Variants in RELCH observed in about 807,000 individuals in gnomAD.
RELCH encodes RAB11 binding and LisH domain, coiled-coil and HEAT repeat containing.
A neutral mutation model predicts 150.3 loss-of-function variants in RELCH; 41 were observed. The observed-to-expected ratio is 0.27, with a 90% CI of 0.21 to 0.35. The LOEUF is 0.35. Ranked by LOEUF, RELCH falls within the 10% of genes least tolerant of loss-of-function variation. The probability of loss-of-function intolerance (pLI) is 1.00; values close to 1 mark genes in which losing one functional copy is unlikely to be tolerated. For missense variants in RELCH, 1,092 were observed against 1,467.8 expected, an observed-to-expected ratio of 0.74 and a Z score of 4.18; for synonymous variants, 478 against 531.8, an observed-to-expected ratio of 0.90 and a Z score of 1.39.
At position 62,221,114 on chromosome 18, in the gene RELCH, G is replaced by A; in HGVS notation, c.688+6G>A. 6.2e-7 allele frequency: 1 copy of A among 1,612,932 alleles called. No individual in the cohort carries two copies. Among genetic ancestry groups the A allele is most frequent in the East Asian group, 2.2e-5 (1 of 44,854 alleles). ...CAACCTGACAAAGGCCGCAGGTGGT[G>A]TACATAAAACTTTTTTGAGACTTTT... On this transcript the variant is annotated splice_donor_region_variant and intron_variant, in intron 3 of 28. Coordinates refer to ENST00000644646, the MANE Select transcript of RELCH (RefSeq NM_001346231.2).
chr18:62,236,509 T>G (rs939297245), intron 10 of RELCH, among the ~76,000 whole-genome samples: 1 of 151,960 alleles, frequency 6.6e-6, no homozygotes, highest in African/African-American at 2.4e-5. Context: ...TGTTTCCTTG[T>G]TATAAGTCTG....
intron 20 of RELCH, among the ~76,000 whole-genome samples, chr18:62,273,294 G>A (rs995166899): frequency 2.0e-5 from 3 of 151,542 alleles, no homozygotes; most frequent in East Asian, 3.9e-4. Flanking sequence ...ATAATAGTTC[G>A]TTGAAAAAAG....
intron 1 of RELCH, among the ~76,000 whole-genome samples, chr18:62,201,863 A>C (rs2039473131): frequency 6.6e-6 from 1 of 152,190 alleles, no homozygotes; most frequent in Non-Finnish European, 1.5e-5. Flanking sequence ...TTTCTGATGC[A>C]TTTGGTTCTT....
At chr18:62,226,572 T>G (rs1302131847) in intron 5 of RELCH, among the ~76,000 whole-genome samples, 1 of 152,138 alleles carries the variant, frequency 6.6e-6, no homozygotes, top group African/African-American at 2.4e-5. Flanking sequence ...AACCTATAAA[T>G]AATAGGTACA....
chr18:62,268,218 T>C (rs1161450883), intron 19 of RELCH, among the ~76,000 whole-genome samples: 2 of 152,078 alleles, frequency 1.3e-5, no homozygotes, highest in Non-Finnish European at 2.9e-5. Flanking sequence ...CTGTGAATGA[T>C]AATTGTCCTC....
At position 62,227,659 on chromosome 18, in the gene RELCH, C is replaced by A; in HGVS notation, c.1124C>A (p.Ser375Ter). The change falls in exon 7 of 29, where the codon TCA (serine) becomes TAA (stop). Residue 375 changes from serine (S) to a stop codon, truncating the protein, a stop_gained. Transcript: ENST00000644646. LOFTEE classifies it high-confidence loss of function. The part of the protein sequence containing the change: ...KISLLNSEKW[S>*]LMEQIRRLKS... ...AGTTTGTTAAATAGTGAGAAATGGTCATTGATGGAGCAAATCAGAAGACTT... is the reference window on the plus strand; with the variant it reads ...AGTTTGTTAAATAGTGAGAAATGGTAATTGATGGAGCAAATCAGAAGACTT... The A allele has an allele frequency of 6.4e-7, 1 of 1,556,896 alleles. No individual in the cohort carries two copies. The highest frequency in any genetic ancestry group is 1.1e-5 in the South Asian group (1 of 88,728).
chr18:62,285,951 T>C (rs2044768344), intron 25 of RELCH: 1 of 152,174 alleles, frequency 6.6e-6, no homozygotes, highest in Non-Finnish European at 1.5e-5. Flanking sequence ...ATAGTAAAGT[T>C]CTGTCTGTCT....
At chr18:62,215,334 TAGA>T (rs2040418414) in intron 2 of RELCH, among the ~76,000 whole-genome samples, 1 of 152,064 alleles carries the variant, frequency 6.6e-6, no homozygotes, top group Admixed American at 6.6e-5. Flanking sequence ...CAATGCTGGG[TAGA>T]AGGAGCTTGT....
chr18:62,198,968 A>G (rs978545525), intron 1 of RELCH, among the ~76,000 whole-genome samples: 1 of 151,670 alleles, frequency 6.6e-6, no homozygotes, highest in African/African-American at 2.4e-5. Flanking sequence ...CCTTTCAACC[A>G]TGTTGTCCAT....
At chr18:62,260,055 A>G (rs2043176983) in intron 15 of RELCH, among the ~76,000 whole-genome samples, 1 of 151,956 alleles carries the variant, frequency 6.6e-6, no homozygotes, top group Non-Finnish European at 1.5e-5. Context: ...GGATTATATT[A>G]AAGTAAAAAG....
intron 1 of RELCH, among the ~76,000 whole-genome samples, chr18:62,206,748 A>C (rs1033181572): frequency 7.9e-5 from 12 of 152,174 alleles, no homozygotes; most frequent in Admixed American, 7.9e-4. Context: ...CTGCTACTTT[A>C]CAACCTACCT....
chr18:62,215,762 G>A (rs4941121), intron 2 of RELCH, among the ~76,000 whole-genome samples: 42,640 of 151,978 alleles, frequency 0.28, 7,164 homozygotes, highest in East Asian at 0.59. Flanking sequence ...GTATCACATA[G>A]AGGTTTTATT....
chr18:62,286,802 T>C (rs1051046887), intron 25 of RELCH, among the ~76,000 whole-genome samples: 1 of 152,142 alleles, frequency 6.6e-6, no homozygotes, highest in Non-Finnish European at 1.5e-5. Context: ...ATGTTACTCT[T>C]TGAGGGTATT....
chr18:62,224,205 G>T (rs1190275218), intron 5 of RELCH, among the ~76,000 whole-genome samples: 2 of 152,092 alleles, frequency 1.3e-5, no homozygotes. Context: ...ACCTGTGAAT[G>T]AGAACATGCA....
At chr18:62,292,141 C>G (rs929158411) in intron 27 of RELCH, among the ~76,000 whole-genome samples, 14 of 152,084 alleles carry the variant, frequency 9.2e-5, no homozygotes, top group Non-Finnish European at 1.8e-4. Context: ...CCTTTCATCC[C>G]TCTCCAAGTC....
rs921686305 is a variant in RELCH, at chr18:62,187,746, G to A, written c.241G>A (p.Ala81Thr). The A allele has an allele frequency of 3.7e-6, 6 of 1,611,794 alleles. No homozygotes were observed. Among genetic ancestry groups the A allele is most frequent in the Non-Finnish European group, 5.1e-6 (6 of 1,178,896 alleles). Reference protein sequence around the residue: ...LPGEASAAAVALGGTGETPAR... With the variant: ...LPGEASAAAVTLGGTGETPAR... ...TGGGGAGGCGTCGGCGGCTGCAGTG[G>A]CCCTGGGGGGCACCGGGGAGACCCC... Residue 81 changes from alanine to threonine, a missense_variant, in exon 1 of 29, where the codon GCC becomes ACC. By Grantham distance (58) the Ala-to-Thr change is moderately conservative. Coordinates refer to ENST00000644646, the MANE Select transcript of RELCH (RefSeq NM_001346231.2).
At chr18:62,275,350 A>G (rs773503238) in intron 21 of RELCH, 24 bp from the exon 22 acceptor site, 3 of 1,282,634 alleles carry the variant, frequency 2.3e-6, no homozygotes, top group Non-Finnish European at 2.2e-6. Context: ...CAATTTTAAC[A>G]CTGTTTTTTT....
intron 22 of RELCH, among the ~76,000 whole-genome samples, chr18:62,277,352 A>T (rs368418796): frequency 6.6e-6 from 1 of 152,134 alleles, no homozygotes; most frequent in Non-Finnish European, 1.5e-5. Context: ...AATGTTTTTC[A>T]AATTCATTAA....
intron 16 of RELCH, among the ~76,000 whole-genome samples, chr18:62,262,390 G>T (rs1600134433): frequency 6.6e-6 from 1 of 152,052 alleles, no homozygotes; most frequent in African/African-American, 2.4e-5. Flanking sequence ...TCTCTTACTG[G>T]TGTCTAATGG....
Sources: allele counts gnomAD v4.1 joint callset (sites outside exome capture counted in the v4.1 genomes callset), GRCh38; gene constraint gnomAD v4.1.1; transcripts MANE v1.5; gene names NCBI Gene and HGNC (gene_info 2026-07-23, HGNC 2026-07-21).